PDE10A: variants seen among roughly 807,000 people sequenced by gnomAD.
The protein encoded by PDE10A is phosphodiesterase 10A.
In PDE10A, 39 loss-of-function variants were observed where a neutral mutation model predicts 97.7. The observed-to-expected ratio is 0.40, with a 90% CI of 0.31 to 0.52. The LOEUF is 0.52. PDE10A is among the 20% of genes least tolerant of loss of function. The pLI is 0.56. For missense variants in PDE10A, 731 were observed against 1,047.8 expected (o/e 0.70, Z 4.17); for synonymous variants, 371 against 376.8 (o/e 0.98, Z 0.18).
chr6:165,586,414 T>C (rs750618757), intron 1 of PDE10A, among the ~76,000 whole-genome samples: 22 of 152,204 alleles, frequency 1.4e-4, no homozygotes, highest in African/African-American at 5.3e-4. Context: ...TCCCTCCCAC[T>C]ATGCCACAAA....
In PDE10A at chr6:165,341,961, T is replaced by C. The variant is rs184996577; in HGVS notation, c.2895+1430A>G. Among the ~76,000 whole-genome samples the C allele has an allele frequency of 8.5e-5, 13 of 152,300 alleles. No homozygotes were observed. The East Asian group carries it at 2.1e-3, about 25-fold the overall frequency. On this transcript the variant is annotated intron_variant, in intron 19 of 21. Transcript: ENST00000539869. ...AGCTCACCGTAACAGCAAAAGAAGG[T>C]TGCTGCAAAATTATTACAGTACTGC...
At chr6:165,838,337 C>A (rs1022027489) in intron 1 of PDE10A, among the ~76,000 whole-genome samples, 1 of 151,984 alleles carries the variant, frequency 6.6e-6, no homozygotes, top group Admixed American at 6.6e-5. Context: ...TTTTTTTGAC[C>A]TTTGTTTTTC....
At chr6:165,519,972 GA>G (rs1782035638) in intron 2 of PDE10A, among the ~76,000 whole-genome samples, 2 of 152,098 alleles carry the variant, frequency 1.3e-5, no homozygotes, top group East Asian at 1.9e-4. Context: ...GTTTACTTCA[GA>G]AAATCAAGTA....
intron 1 of PDE10A, among the ~76,000 whole-genome samples, chr6:165,557,997 C>T (rs1304359137): frequency 6.6e-6 from 1 of 152,118 alleles, no homozygotes; most frequent in Non-Finnish European, 1.5e-5. Flanking sequence ...TCAGACATAT[C>T]TTGACATGCA....
At chr6:165,695,589 G>C (rs967268298) in intron 1 of PDE10A, among the ~76,000 whole-genome samples, 1 of 152,166 alleles carries the variant, frequency 6.6e-6, no homozygotes, top group Non-Finnish European at 1.5e-5. Context: ...AGTTGGGAGT[G>C]GGGGAGAGGT....
intron 1 of PDE10A, among the ~76,000 whole-genome samples, chr6:165,716,633 GAGA>G (rs892832950): frequency 3.9e-5 from 6 of 152,004 alleles, no homozygotes; most frequent in Non-Finnish European, 8.8e-5. Context: ...TAAAGCCCTG[GAGA>G]AGAATGGAAG....
At chr6:165,878,937 C>A (rs1473619620) in intron 1 of PDE10A, among the ~76,000 whole-genome samples, 1 of 152,208 alleles carries the variant, frequency 6.6e-6, no homozygotes, top group Non-Finnish European at 1.5e-5. Context: ...CTGCTGACAT[C>A]TTGATTTTAG....
chr6:165,646,762 A>T (rs1035889051), intron 1 of PDE10A, among the ~76,000 whole-genome samples: 3 of 151,366 alleles, frequency 2.0e-5, no homozygotes, highest in Non-Finnish European at 4.4e-5. Context: ...ACAGCTGCAC[A>T]ATGGACGCCT....
intron 1 of PDE10A, among the ~76,000 whole-genome samples, chr6:165,575,788 C>A (rs1785273200): frequency 6.6e-6 from 1 of 152,200 alleles, no homozygotes; most frequent in Non-Finnish European, 1.5e-5. Flanking sequence ...GCACTAAAAT[C>A]ATTTTTTGGT....
intron 17 of PDE10A, among the ~76,000 whole-genome samples, chr6:165,386,222 G>GTCT (rs1231204773): frequency 1.3e-5 from 2 of 152,168 alleles, no homozygotes; most frequent in Admixed American, 1.3e-4. Context: ...ACTGGGCCAA[G>GTCT]TCTTCCTAGG....
chr6:165,558,825 A>C (rs1784384760), intron 1 of PDE10A, among the ~76,000 whole-genome samples: 1 of 152,222 alleles, frequency 6.6e-6, no homozygotes, highest in African/African-American at 2.4e-5. Context: ...ATAAGGGTAC[A>C]ATGAACACGT....
At chr6:165,706,530 T>G (rs1791713818) in intron 1 of PDE10A, among the ~76,000 whole-genome samples, 1 of 152,256 alleles carries the variant, frequency 6.6e-6, no homozygotes. Flanking sequence ...AGTCAGTCAC[T>G]GTCCCTTCCT....
chr6:165,347,637 C>T (rs1333373418), intron 18 of PDE10A, among the ~76,000 whole-genome samples: 1 of 152,152 alleles, frequency 6.6e-6, no homozygotes, highest in Non-Finnish European at 1.5e-5. Context: ...CATGGTCTCA[C>T]AGAGTACCAT....
At chr6:165,511,639 T>C (rs758209730) in intron 2 of PDE10A, among the ~76,000 whole-genome samples, 2 of 152,004 alleles carry the variant, frequency 1.3e-5, no homozygotes, top group Non-Finnish European at 2.9e-5. Context: ...TCTCATTGTA[T>C]TGGAGTGTCT....
At chr6:165,765,164 T>C (rs1242015290) in intron 1 of PDE10A, among the ~76,000 whole-genome samples, 1 of 152,240 alleles carries the variant, frequency 6.6e-6, no homozygotes, top group Admixed American at 6.5e-5. Context: ...TTACAATCCC[T>C]GAGCTAGACA....
intron 1 of PDE10A, among the ~76,000 whole-genome samples, chr6:165,855,312 G>A (rs867980467): frequency 7.9e-5 from 12 of 151,200 alleles, no homozygotes; most frequent in African/African-American, 2.4e-4. Context: ...TGGCGGGGGG[G>A]GGGGGGGACT....
chr6:165,824,430 A>G (rs1362410152), intron 1 of PDE10A, among the ~76,000 whole-genome samples: 4 of 152,196 alleles, frequency 2.6e-5, no homozygotes, highest in Admixed American at 1.3e-4. Context: ...CAATTATATA[A>G]TTGCTATGTA....
intron 1 of PDE10A, among the ~76,000 whole-genome samples, chr6:165,967,791 T>A (rs1336987759): frequency 6.6e-6 from 1 of 152,182 alleles, no homozygotes; most frequent in Non-Finnish European, 1.5e-5. Context: ...TCTAATCAAC[T>A]TTCATGAATT....
At chr6:165,768,031 CTGA>C (rs1348977125) in intron 1 of PDE10A, among the ~76,000 whole-genome samples, 4 of 152,088 alleles carry the variant, frequency 2.6e-5, no homozygotes, top group African/African-American at 9.7e-5. Flanking sequence ...TCCGTAAAGA[CTGA>C]TGATGTTGAG....
Sources: gnomAD v4.1 joint callset for allele counts (sites outside exome capture counted in the v4.1 genomes callset) on GRCh38, gnomAD v4.1.1 for gene constraint, MANE v1.5 for transcripts, NCBI Gene and HGNC (gene_info 2026-07-23, HGNC 2026-07-21) for gene names.